TIAM1: variants seen among roughly 807,000 people sequenced by gnomAD.
TIAM1 encodes the protein rho guanine nucleotide exchange factor TIAM1.
In TIAM1, 65 loss-of-function variants were observed where a neutral mutation model predicts 163.5. The observed-to-expected ratio is 0.40, with a 90% CI of 0.33 to 0.49. The LOEUF is 0.49. Among genes scored for constraint, TIAM1 ranks in the 20% least tolerant of loss-of-function variants. The pLI, the probability that TIAM1 is intolerant of heterozygous loss-of-function variation, is 0.77. For missense variants in TIAM1, 1,789 were observed against 2,044.7 expected (o/e 0.87, Z 2.41); for synonymous variants, 833 against 810.1 (o/e 1.03, Z -0.48).
chr21:31,304,271 C>T (rs2074611873), intron 2 of TIAM1, among the ~76,000 whole-genome samples: 1 of 151,922 alleles, frequency 6.6e-6, no homozygotes, highest in African/African-American at 2.4e-5. Flanking sequence ...AATATAGCAA[C>T]CATGCAAATA....
At chr21:31,502,784 T>C (rs1205167833) in intron 1 of TIAM1, among the ~76,000 whole-genome samples, 2 of 152,242 alleles carry the variant, frequency 1.3e-5, no homozygotes, top group African/African-American at 4.8e-5. Context: ...CTAATCCAGG[T>C]GGCTGTACTC....
At chr21:31,295,282 A>G (rs550692678) in intron 2 of TIAM1, among the ~76,000 whole-genome samples, 1 of 152,290 alleles carries the variant, frequency 6.6e-6, no homozygotes, top group East Asian at 1.9e-4. Context: ...CATCCCGGCT[A>G]ACACGGTGAA....
chr21:31,210,544 A>AAG (rs1451307524), intron 10 of TIAM1, among the ~76,000 whole-genome samples: 1 of 96,782 alleles, frequency 1.0e-5, no homozygotes, highest in Non-Finnish European at 1.9e-5. Flanking sequence ...AAAAGAAAGA[A>AAG]AGAAAGAAAG....
At chr21:31,368,612 G>T (rs1031612431) in intron 2 of TIAM1, among the ~76,000 whole-genome samples, 1 of 152,144 alleles carries the variant, frequency 6.6e-6, no homozygotes, top group East Asian at 1.9e-4. Context: ...AAATAGATGC[G>T]TGAACAGATC....
intron 1 of TIAM1, among the ~76,000 whole-genome samples, chr21:31,538,875 G>A (rs1005939570): frequency 6.6e-6 from 1 of 152,124 alleles, no homozygotes; most frequent in Non-Finnish European, 1.5e-5. Context: ...GGGAGGAGGG[G>A]CAGCCTGCAC....
At chr21:31,139,493 T>A (rs559603296) in intron 22 of TIAM1, among the ~76,000 whole-genome samples, 1 of 152,128 alleles carries the variant, frequency 6.6e-6, no homozygotes, top group Non-Finnish European at 1.5e-5. Context: ...ACTAAACATA[T>A]ACATAGATAT....
intron 2 of TIAM1, among the ~76,000 whole-genome samples, chr21:31,321,342 T>C (rs573368383): frequency 6.5e-5 from 2 of 30,692 alleles, no homozygotes; most frequent in East Asian, 2.6e-3. Flanking sequence ...TACTGTTTGT[T>C]TGTTTGTTTG....
intron 2 of TIAM1, among the ~76,000 whole-genome samples, chr21:31,429,786 T>C (rs2043934086): frequency 6.6e-6 from 1 of 150,838 alleles, no homozygotes; most frequent in African/African-American, 2.4e-5. Context: ...AGATGGGAAG[T>C]GGAAGAAACA....
Position 31,498,621 on chromosome 21 carries a change from G to T in TIAM1, c.-421-34586C>A, listed in dbSNP as rs1033367261. ...TATTTGTATTTGAAAAAGGGTGTGG[G>T]ACTAGTGAGAAGTCAAGACATGGGA... On this transcript the variant is annotated intron_variant, in intron 1 of 28. Coordinates refer to the TIAM1 transcript ENST00000286827. 2.6e-5 allele frequency among the ~76,000 whole-genome samples: 4 copies of T among 152,180 alleles called. No homozygotes were observed. The South Asian group carries it at 8.3e-4, about 31-fold the overall frequency.
At chr21:31,428,747 A>T (rs1046427894) in intron 2 of TIAM1, among the ~76,000 whole-genome samples, 1 of 151,628 alleles carries the variant, frequency 6.6e-6, no homozygotes, top group Admixed American at 6.6e-5. Context: ...GCCAGGCATA[A>T]TGGCACATGC....
At chr21:31,497,460 AGGAAAAG>A (rs1556005166) in intron 1 of TIAM1, among the ~76,000 whole-genome samples, 1 of 152,182 alleles carries the variant, frequency 6.6e-6, no homozygotes, top group Non-Finnish European at 1.5e-5. Context: ...AGAAGTGGAG[AGGAAAAG>A]GTACTGATAT....
At chr21:31,476,716 T>G (rs2045946582) in intron 1 of TIAM1, among the ~76,000 whole-genome samples, 1 of 152,196 alleles carries the variant, frequency 6.6e-6, no homozygotes, top group African/African-American at 2.4e-5. Flanking sequence ...ACAGTTTTTC[T>G]TAATTGCCAC....
chr21:31,279,122 A>AATAT (rs1398520093), intron 2 of TIAM1, among the ~76,000 whole-genome samples: 1 of 152,016 alleles, frequency 6.6e-6, no homozygotes, highest in Non-Finnish European at 1.5e-5. Context: ...TGAACAAAAA[A>AATAT]ATATATAAAT....
intron 2 of TIAM1, among the ~76,000 whole-genome samples, chr21:31,285,535 G>A (rs561143639): frequency 6.6e-6 from 1 of 152,304 alleles, no homozygotes; most frequent in African/African-American, 2.4e-5. Flanking sequence ...TGTGTTGACG[G>A]CATGAAATTC....
At chr21:31,418,736 CAG>C (rs1015650606) in intron 2 of TIAM1, among the ~76,000 whole-genome samples, 5 of 152,256 alleles carry the variant, frequency 3.3e-5, no homozygotes, top group Non-Finnish European at 5.9e-5. Flanking sequence ...CCCCTGGAAA[CAG>C]AGGAAAACAC....
At chr21:31,216,765 G>A (rs35421315) in intron 9 of TIAM1, among the ~76,000 whole-genome samples, 3,301 of 152,238 alleles carry the variant, frequency 0.022, 42 homozygotes, top group Non-Finnish European at 0.033. Flanking sequence ...GGGGGCTGTG[G>A]CAGTGGGCGA....
intron 2 of TIAM1, among the ~76,000 whole-genome samples, chr21:31,332,234 C>T (rs2075698563): frequency 6.6e-6 from 1 of 152,170 alleles, no homozygotes; most frequent in Non-Finnish European, 1.5e-5. Flanking sequence ...CCAGCCACGG[C>T]ATCTGAGACT....
chr21:31,450,486 G>A (rs977745359), intron 2 of TIAM1, among the ~76,000 whole-genome samples: 4 of 152,064 alleles, frequency 2.6e-5, no homozygotes, highest in Non-Finnish European at 5.9e-5. Context: ...TCTGCACATT[G>A]CTTTCCTGGG....
At chr21:31,487,856 C>T (rs572901966) in intron 1 of TIAM1, among the ~76,000 whole-genome samples, 1 of 152,180 alleles carries the variant, frequency 6.6e-6, no homozygotes, top group African/African-American at 2.4e-5. Flanking sequence ...CGCGCCCGGC[C>T]TTTTTTTGTA....
Sources: allele counts gnomAD v4.1 joint callset (sites outside exome capture counted in the v4.1 genomes callset), GRCh38; gene constraint gnomAD v4.1.1; transcripts MANE v1.5; gene names NCBI Gene and HGNC (gene_info 2026-07-23, HGNC 2026-07-21).